Variants in ATG7 observed in about 807,000 individuals in gnomAD.
The protein encoded by ATG7 is ubiquitin-like modifier-activating enzyme ATG7.
ATG7 carries 70 observed loss-of-function variants against 82.4 expected under a neutral mutation model. That is an observed-to-expected ratio of 0.85 (90% CI 0.70 to 1.04). The LOEUF (loss-of-function observed/expected upper bound fraction) is 1.04. Among genes scored for constraint, ATG7 ranks in the 50% least tolerant of loss-of-function variants. ATG7 has a pLI of 0.00. For synonymous variants in ATG7, 287 were observed against 313.0 expected (o/e 0.92, Z 0.88); for missense variants, 792 against 864.3 (o/e 0.92, Z 1.05).
rs1472874906 is a variant in ATG7, at chr3:11,462,898, T to C, written c.2079+35972T>C. Among the ~76,000 whole-genome samples the C allele has an allele frequency of 2.2e-5, 3 of 135,692 alleles. No individual in the cohort carries two copies. In the East Asian group the frequency reaches 6.7e-4, roughly 30 times the overall value. The allele number at this position is 135,692 out of a possible 152,430, so 89.0% of individuals were successfully genotyped here. A position where few individuals can be genotyped will look rare whatever the true frequency, so the allele number is the denominator to read the frequency against. On this transcript the variant is annotated intron_variant, in intron 20 of 20. Coordinates refer to ENST00000693202, the MANE Select transcript of ATG7 (RefSeq NM_001349232.2). ...ATTTATTTATTTATTTATTTATTTA[T>C]TTTTGAGACAGAGTTTTGCTCTTGT...
chr3:11,444,577 A>G (rs898502028), intron 20 of ATG7, among the ~76,000 whole-genome samples: 2 of 152,218 alleles, frequency 1.3e-5, no homozygotes, highest in Non-Finnish European at 2.9e-5. Context: ...CTTCTGGACC[A>G]TGGACTTAAA....
At chr3:11,488,948 C>G (rs1168514959) in intron 20 of ATG7, among the ~76,000 whole-genome samples, 4 of 152,028 alleles carry the variant, frequency 2.6e-5, no homozygotes, top group Admixed American at 6.5e-5. Flanking sequence ...CCCTCTTTTT[C>G]TATTGATTGG....
At chr3:11,363,758 G>A (rs1012639397) in intron 17 of ATG7, among the ~76,000 whole-genome samples, 18 of 152,196 alleles carry the variant, frequency 1.2e-4, no homozygotes, top group African/African-American at 4.3e-4. Context: ...GCAGAAAATC[G>A]AATTTTTGAA....
At chr3:11,310,213 A>G (rs1244130068) in intron 7 of ATG7, among the ~76,000 whole-genome samples, 1 of 152,134 alleles carries the variant, frequency 6.6e-6, no homozygotes, top group Non-Finnish European at 1.5e-5. Flanking sequence ...AATATTAGCC[A>G]TATTGATCTT....
the ATG7 span, among the ~76,000 whole-genome samples, chr3:11,574,081 C>T: frequency 6.6e-6 from 1 of 152,194 alleles, no homozygotes; most frequent in East Asian, 1.9e-4. Context: ...CAGAAGCAGC[C>T]AGCCCTGCTG....
intron 20 of ATG7, among the ~76,000 whole-genome samples, chr3:11,532,506 T>C (rs2092712144): frequency 6.6e-6 from 1 of 152,270 alleles, no homozygotes; most frequent in South Asian, 2.1e-4. Flanking sequence ...GAGGATTGCT[T>C]GAGCCCAGGA....
chr3:11,479,794 C>A (rs2088707336), intron 20 of ATG7, among the ~76,000 whole-genome samples: 1 of 152,188 alleles, frequency 6.6e-6, no homozygotes, highest in South Asian at 2.1e-4. Flanking sequence ...ACCCAGCTAA[C>A]CTCCCTCCAC....
chr3:11,543,880 G>A (rs1223389571), intron 20 of ATG7, among the ~76,000 whole-genome samples: 1 of 152,170 alleles, frequency 6.6e-6, no homozygotes, highest in Non-Finnish European at 1.5e-5. Flanking sequence ...CTGAAGGATG[G>A]TGACAGGCTG....
intron 19 of ATG7, among the ~76,000 whole-genome samples, chr3:11,388,039 A>C (rs2078451681): frequency 6.6e-6 from 1 of 152,146 alleles, no homozygotes; most frequent in Admixed American, 6.5e-5. Context: ...TGTGGATCCT[A>C]GTAAAGCACC....
At chr3:11,479,065 C>T (rs1216224282) in intron 20 of ATG7, among the ~76,000 whole-genome samples, 1 of 150,316 alleles carries the variant, frequency 6.7e-6, no homozygotes, top group East Asian at 1.9e-4. Context: ...GGATACTGGC[C>T]ACCACTTGAA....
chr3:11,430,300 A>G (rs943299915), intron 20 of ATG7, among the ~76,000 whole-genome samples: 1 of 152,176 alleles, frequency 6.6e-6, no homozygotes, highest in Non-Finnish European at 1.5e-5. Flanking sequence ...GTATGCGCAT[A>G]TAAGCAAAAT....
chr3:11,492,621 T>A (rs1326625692), intron 20 of ATG7, among the ~76,000 whole-genome samples: 1 of 152,190 alleles, frequency 6.6e-6, no homozygotes, highest in Non-Finnish European at 1.5e-5. Flanking sequence ...CAGCTGCTGC[T>A]TCGGGCACTG....
At chr3:11,496,319 AAGG>A (rs1160574346) in intron 20 of ATG7, among the ~76,000 whole-genome samples, 2 of 152,218 alleles carry the variant, frequency 1.3e-5, no homozygotes, top group Non-Finnish European at 2.9e-5. Flanking sequence ...GCTGACCTGT[AAGG>A]AGCAGTGGGA....
the ATG7 span, among the ~76,000 whole-genome samples, chr3:11,569,665 A>C: frequency 3.9e-5 from 6 of 152,206 alleles, no homozygotes; most frequent in Non-Finnish European, 4.4e-5. Context: ...TTACAGGAGA[A>C]TCCGACATCT....
the ATG7 span, chr3:11,568,942 AC>A: frequency 8.2e-6 from 10 of 1,223,790 alleles, no homozygotes; most frequent in Non-Finnish European, 1.0e-5. The surrounding 1 kb of genome is among the most constrained non-coding windows in gnomAD (Gnocchi z 5.9). Flanking sequence ...CCAGCTGCCC[AC>A]GGAGAGAAAG....
intron 20 of ATG7, among the ~76,000 whole-genome samples, chr3:11,431,347 G>C (rs544802278): frequency 2.1e-4 from 32 of 152,374 alleles, no homozygotes; most frequent in African/African-American, 7.7e-4. Flanking sequence ...GCTGCAGTGA[G>C]CTGAGATTGT....
At chr3:11,523,226 CT>C (rs1418917924) in intron 20 of ATG7, among the ~76,000 whole-genome samples, 1 of 152,166 alleles carries the variant, frequency 6.6e-6, no homozygotes, top group African/African-American at 2.4e-5. Context: ...AAATTAGTAC[CT>C]TTCCATTTCT....
intron 1 of ATG7, among the ~76,000 whole-genome samples, chr3:11,279,258 A>G (rs1016873945): frequency 2.0e-5 from 3 of 152,262 alleles, no homozygotes; most frequent in East Asian, 1.9e-4. Context: ...GAGATGCTCA[A>G]CATTCTGCAG....
chr3:11,436,800 C>G (rs1320832647), intron 20 of ATG7, among the ~76,000 whole-genome samples: 2 of 152,064 alleles, frequency 1.3e-5, no homozygotes, highest in Non-Finnish European at 2.9e-5. Context: ...ATTGAAGAAG[C>G]CAGTCACAAA....
Sources: gnomAD v4.1 joint callset for allele counts (sites outside exome capture counted in the v4.1 genomes callset) on GRCh38, gnomAD v4.1.1 for gene constraint, Gnocchi (gnomAD v3.1) non-coding constraint, MANE v1.5 for transcripts, NCBI Gene and HGNC (gene_info 2026-07-23, HGNC 2026-07-21) for gene names.